NR2F1-AS1: variants seen among roughly 807,000 people sequenced by gnomAD.
NR2F1-AS1 encodes the protein NR2F1 regulatory antisense RNA 1.
At chr5:93,581,597 G>A (rs929124000), upstream of NR2F1-AS1, among the ~76,000 whole-genome samples, 2 of 149,808 alleles carry the variant, frequency 1.3e-5, no homozygotes, top group Non-Finnish European at 3.0e-5. Flanking sequence ...GCCCCGCCGC[G>A]GGACCCGCTC....
chr5:93,566,297 T>C (rs1752616294), intron 1 of NR2F1-AS1, among the ~76,000 whole-genome samples: 1 of 151,972 alleles, frequency 6.6e-6, no homozygotes. Flanking sequence ...AAAGGGAAAG[T>C]ATAAACTTGC....
chr5:93,476,403 T>C (rs1025417027), intron 4 of NR2F1-AS1, among the ~76,000 whole-genome samples: 2 of 152,102 alleles, frequency 1.3e-5, no homozygotes, highest in African/African-American at 4.8e-5. Flanking sequence ...CTTAGAGACA[T>C]TTAAAATCTA....
intron 4 of NR2F1-AS1, among the ~76,000 whole-genome samples, chr5:93,417,238 C>T (rs1748986254): frequency 6.6e-6 from 1 of 152,134 alleles, no homozygotes; most frequent in Non-Finnish European, 1.5e-5. Context: ...AAACTTTAAC[C>T]CAGGCCTTGA....
intron 4 of NR2F1-AS1, among the ~76,000 whole-genome samples, chr5:93,479,622 A>G (rs922696204): frequency 1.3e-5 from 2 of 152,300 alleles, no homozygotes; most frequent in Admixed American, 6.5e-5. Context: ...ACAAAAAATT[A>G]TGAAGCACAC....
intron 4 of NR2F1-AS1, among the ~76,000 whole-genome samples, chr5:93,517,133 T>C (rs1264602864): frequency 1.3e-5 from 2 of 152,004 alleles, no homozygotes; most frequent in Non-Finnish European, 2.9e-5. Context: ...TATTATCATC[T>C]TCCCTAAAAC....
chr5:93,409,466 GGC>G (rs1351603455), intron 4 of NR2F1-AS1: 3 of 152,154 alleles, frequency 2.0e-5, no homozygotes, highest in Non-Finnish European at 4.4e-5. Flanking sequence ...GACTACACTA[GGC>G]ACCAGGAATG....
chr5:93,533,421 C>G (rs2149901630), intron 4 of NR2F1-AS1, among the ~76,000 whole-genome samples: 1 of 152,232 alleles, frequency 6.6e-6, no homozygotes, highest in South Asian at 2.1e-4. Context: ...TATCTACTCT[C>G]TGAAATAAGT....
At chr5:93,575,752 CAG>C (rs1332042878) in intron 1 of NR2F1-AS1, among the ~76,000 whole-genome samples, 1 of 151,914 alleles carries the variant, frequency 6.6e-6, no homozygotes, top group Non-Finnish European at 1.5e-5. Flanking sequence ...TAAATATGCC[CAG>C]AGAGTGAGGG....
At chr5:93,417,861 C>T (rs544143451) in intron 4 of NR2F1-AS1, among the ~76,000 whole-genome samples, 24 of 152,274 alleles carry the variant, frequency 1.6e-4, no homozygotes, top group Admixed American at 5.2e-4. Context: ...CCATAATACA[C>T]AGGGGATTTT....
rs148016646 is a variant in NR2F1-AS1 at position 93,455,843 on chromosome 5, GCACA to G, written n.639-60305_639-60302del. ...TTTACCATGTTAACTACACACACAC[GCACA>G]CACACACACACACACACACCTGAAA... is the stretch of plus-strand genomic sequence containing the variant. On this transcript the variant is annotated intron_variant and non_coding_transcript_variant, in intron 4 of 5. Transcript: ENST00000660523. Among the ~76,000 whole-genome samples, 39 of 145,880 alleles carry G rather than the reference GCACA, an allele frequency of 2.7e-4. No homozygotes were observed. In the East Asian group the frequency reaches 5.6e-3, roughly 21 times the overall value.
chr5:93,476,019 C>T (rs1750477252), intron 4 of NR2F1-AS1, among the ~76,000 whole-genome samples: 1 of 152,006 alleles, frequency 6.6e-6, no homozygotes, highest in South Asian at 2.1e-4. Context: ...TTATGTTGTG[C>T]CAAAAAAATC....
upstream of NR2F1-AS1, among the ~76,000 whole-genome samples, chr5:93,582,075 T>C (rs1753108511): frequency 7.0e-6 from 1 of 142,740 alleles, no homozygotes; most frequent in South Asian, 2.4e-4. Context: ...CCTCTCTCTC[T>C]GTCTCTCTCT....
intron 4 of NR2F1-AS1, among the ~76,000 whole-genome samples, chr5:93,476,282 G>A (rs1729658711): frequency 6.6e-6 from 1 of 152,096 alleles, no homozygotes; most frequent in African/African-American, 2.4e-5. Context: ...TTTTCTAACA[G>A]TCATAAAGGG....
At chr5:93,440,193 GTC>G (rs374272400) in intron 4 of NR2F1-AS1, among the ~76,000 whole-genome samples, 310 of 142,794 alleles carry the variant, frequency 2.2e-3, no homozygotes, top group Middle Eastern at 3.7e-3. Context: ...CTCTCTCTCT[GTC>G]TCTCTCTCTC....
At chr5:93,555,385 A>G (rs1023282708) in intron 2 of NR2F1-AS1, among the ~76,000 whole-genome samples, 1 of 152,228 alleles carries the variant, frequency 6.6e-6, no homozygotes, top group Non-Finnish European at 1.5e-5. Context: ...AAGCATTCTT[A>G]GTGGAAATAA....
intron 4 of NR2F1-AS1, among the ~76,000 whole-genome samples, chr5:93,548,011 C>T (rs562199687): frequency 2.0e-5 from 3 of 152,246 alleles, no homozygotes; most frequent in South Asian, 2.1e-4. Flanking sequence ...AATCGTGGAA[C>T]GTAAGGCTGG....
intron 4 of NR2F1-AS1, among the ~76,000 whole-genome samples, chr5:93,472,038 T>C (rs1225931245): frequency 1.3e-5 from 2 of 151,826 alleles, no homozygotes; most frequent in Non-Finnish European, 3.0e-5. Flanking sequence ...CTATACAGTA[T>C]GTATTATTAT....
chr5:93,540,406 A>G (rs1751924864), intron 4 of NR2F1-AS1, among the ~76,000 whole-genome samples: 1 of 152,156 alleles, frequency 6.6e-6, no homozygotes, highest in Non-Finnish European at 1.5e-5. Context: ...TTTGTATTTC[A>G]AGGGCTGTAG....
At chr5:93,490,720 T>C (rs1203413077) in intron 4 of NR2F1-AS1, among the ~76,000 whole-genome samples, 3 of 150,618 alleles carry the variant, frequency 2.0e-5, no homozygotes, top group African/African-American at 7.3e-5. Flanking sequence ...GTGGTGGTGG[T>C]TGTTCCTGGT....
Sources: allele counts gnomAD v4.1 joint callset (sites outside exome capture counted in the v4.1 genomes callset), GRCh38; gene constraint gnomAD v4.1.1; transcripts MANE v1.5; gene names NCBI Gene and HGNC (gene_info 2026-07-23, HGNC 2026-07-21).